Variants in HAS2 observed in about 807,000 individuals in gnomAD.
HAS2 encodes the protein hyaluronan synthase 2, also known as HA synthase 2.
HAS2 carries 16 observed loss-of-function variants against 51.6 expected under a neutral mutation model. The observed-to-expected ratio is 0.31, with a 90% CI of 0.21 to 0.47. HAS2 has a LOEUF of 0.47. HAS2 is among the 20% of genes least tolerant of loss of function. The pLI is 1.00. For missense variants in HAS2, 361 were observed against 662.6 expected (o/e 0.54, Z 5.00); for synonymous variants, 228 against 235.5 (o/e 0.97, Z 0.29).
chr8:121,619,335 G>A (rs932441693), intron 2 of HAS2, among the ~76,000 whole-genome samples: 103 of 152,178 alleles, frequency 6.8e-4, no homozygotes, highest in African/African-American at 2.4e-3. Flanking sequence ...ATGCATTATT[G>A]GAAATCATAA....
At position 121,614,446 on chromosome 8, in the gene HAS2, A is replaced by G. The variant is rs1812675818; in HGVS notation, c.1322T>C (p.Val441Ala). Residue 441 changes from valine to alanine, a missense_variant, in exon 4 of 4, where the codon GTG becomes GCG. Coordinates refer to ENST00000303924, the MANE Select transcript of HAS2 (RefSeq NM_005328.3). This position sits in a 1 kb window ranked among gnomAD's most constrained non-coding sequence, Gnocchi z 7.2. The part of the protein sequence containing the change: ...IVMVFMSLYS[V>A]LYMSSLLPAK... ...GGGAAGTAAACTCGACATGTATAAC[A>G]CTGAGTAGAGAGACATGAAGACCAT... 1 of 1,614,078 alleles carries G rather than the reference A, an allele frequency of 6.2e-7. No homozygotes were observed. The highest frequency in any genetic ancestry group is 8.5e-7 in the Non-Finnish European group (1 of 1,179,938).
chr8:121,616,194 C>T (rs1812698499), intron 3 of HAS2, among the ~76,000 whole-genome samples: 1 of 152,126 alleles, frequency 6.6e-6, no homozygotes, highest in South Asian at 2.1e-4. Context: ...CAAATTACCT[C>T]CATTGATATT....
At chr8:121,617,875 T>TAA (rs1812726089) in intron 2 of HAS2, among the ~76,000 whole-genome samples, 3 of 152,170 alleles carry the variant, frequency 2.0e-5, no homozygotes, top group African/African-American at 7.2e-5. Context: ...TGCAGGACCT[T>TAA]CAACACCTTT....
In HAS2 at chr8:121,628,695, C is replaced by A. The variant is rs374429182; in HGVS notation, c.627+19G>T. ...TTATTTAAATGTATGTTTGCCCTGG[C>A]AGGAATGTGGAGACCTACCTGTACA... On this transcript the variant is annotated intron_variant, in intron 2 of 3. Transcript: ENST00000303924. 1 of 1,604,942 alleles carries A rather than the reference C, an allele frequency of 6.2e-7. No individual in the cohort carries two copies. The highest frequency in any genetic ancestry group is 8.5e-7 in the Non-Finnish European group (1 of 1,174,926).
At chr8:121,627,732 G>A (rs1185587271) in intron 2 of HAS2, among the ~76,000 whole-genome samples, 1 of 152,010 alleles carries the variant, frequency 6.6e-6, no homozygotes, top group East Asian at 1.9e-4. Context: ...CTCACTACTT[G>A]ACAACCACTA....
At chr8:121,620,416 C>T (rs1812758585) in intron 2 of HAS2, among the ~76,000 whole-genome samples, 1 of 152,198 alleles carries the variant, frequency 6.6e-6, no homozygotes, top group African/African-American at 2.4e-5. Flanking sequence ...TGCCCCAGTT[C>T]AAGGAGAACT....
At chr8:121,636,416 C>T (rs1586511136) in intron 1 of HAS2, among the ~76,000 whole-genome samples, 1 of 152,246 alleles carries the variant, frequency 6.6e-6, no homozygotes, top group South Asian at 2.1e-4. Context: ...CTGACCTTCT[C>T]TTCCTCTCTG....
intron 1 of HAS2, among the ~76,000 whole-genome samples, chr8:121,630,312 A>G (rs1812913382): frequency 6.6e-6 from 1 of 152,232 alleles, no homozygotes; most frequent in African/African-American, 2.4e-5. Context: ...GTTTCCACTC[A>G]GTAATAGTCA....
intron 1 of HAS2, among the ~76,000 whole-genome samples, chr8:121,634,356 A>G (rs557434239): frequency 1.3e-5 from 2 of 152,046 alleles, no homozygotes; most frequent in East Asian, 3.9e-4. Context: ...AGGTCTGATG[A>G]TACCTCTTCT....
intron 2 of HAS2, among the ~76,000 whole-genome samples, 156 bp from the exon 3 acceptor site, chr8:121,617,362 C>T (rs1812717435): frequency 1.3e-5 from 2 of 152,196 alleles, no homozygotes; most frequent in Admixed American, 1.3e-4. Flanking sequence ...CTTGTTATAT[C>T]ATGGCCAATA....
At chr8:121,624,972 C>A (rs1435484283) in intron 2 of HAS2, among the ~76,000 whole-genome samples, 3 of 151,888 alleles carry the variant, frequency 2.0e-5, no homozygotes, top group African/African-American at 7.3e-5. Context: ...GTAGCGGGCG[C>A]CTGTAGTCCC....
chr8:121,621,197 AAT>A (rs1812768763), intron 2 of HAS2, among the ~76,000 whole-genome samples: 1 of 152,214 alleles, frequency 6.6e-6, no homozygotes, highest in Non-Finnish European at 1.5e-5. Context: ...GTTGAGATTA[AAT>A]ATGTTTGAAG....
intron 1 of HAS2, among the ~76,000 whole-genome samples, chr8:121,632,781 A>G (rs1194263138): frequency 6.6e-6 from 1 of 152,014 alleles, no homozygotes; most frequent in Non-Finnish European, 1.5e-5. Flanking sequence ...ATGGTGGCTA[A>G]CATTTATTCA....
At chr8:121,637,531 C>T (rs1219207092) in intron 1 of HAS2, among the ~76,000 whole-genome samples, 1 of 151,794 alleles carries the variant, frequency 6.6e-6, no homozygotes, top group Non-Finnish European at 1.5e-5. Context: ...GCTGGGATTA[C>T]AGGTGGCCAC....
At chr8:121,639,217 C>T (rs1166705291) in intron 1 of HAS2, 2 of 152,164 alleles carry the variant, frequency 1.3e-5, no homozygotes, top group East Asian at 3.9e-4. Flanking sequence ...ACTCAGGCCT[C>T]CAGTTGGGGG....
At chr8:121,624,828 G>A (rs1256721288) in intron 2 of HAS2, among the ~76,000 whole-genome samples, 4 of 152,172 alleles carry the variant, frequency 2.6e-5, no homozygotes, top group African/African-American at 9.6e-5. Context: ...GGGCGCAGTG[G>A]CTCACGCCTG....
intron 2 of HAS2, among the ~76,000 whole-genome samples, chr8:121,625,769 C>T (rs1812841191): frequency 6.8e-6 from 1 of 147,408 alleles, no homozygotes; most frequent in African/African-American, 2.5e-5. Flanking sequence ...AATCCTTCTG[C>T]CTTGGTCTCT....
chr8:121,628,869 C>T lies in HAS2; in HGVS notation c.472G>A (p.Gly158Ser), dbSNP rs199934029. Residue 158 changes from glycine to serine, a missense_variant, in exon 2 of 4, where the codon GGT becomes AGT. Coordinates refer to ENST00000303924, the MANE Select transcript of HAS2 (RefSeq NM_005328.3). ...TCTTTATGTGACTCATCTGTCTCAC[C>T]GGGACCCTTTTCGTGGAAGTTGTTC... The part of the protein sequence containing the change: ...WKNNFHEKGP[G>S]ETDESHKESS... 6.3e-5 allele frequency: 101 copies of T among 1,614,074 alleles called. 2 individuals are homozygous for T. In the East Asian group the frequency reaches 1.1e-3, roughly 18 times the overall value.
chr8:121,634,339 T>A (rs1257213455), intron 1 of HAS2, among the ~76,000 whole-genome samples: 11 of 152,030 alleles, frequency 7.2e-5, no homozygotes, highest in Admixed American at 6.6e-5. Flanking sequence ...TGGGAAAGAC[T>A]ACAATTAGGT....
Sources: gnomAD v4.1 joint callset for allele counts (sites outside exome capture counted in the v4.1 genomes callset) on GRCh38, gnomAD v4.1.1 for gene constraint, Gnocchi (gnomAD v3.1) non-coding constraint, MANE v1.5 for transcripts, NCBI Gene and HGNC (gene_info 2026-07-23, HGNC 2026-07-21) for gene names.